Variants in PPP3CA observed in about 807,000 individuals in gnomAD.
PPP3CA encodes the protein CAM-PRP catalytic subunit.
A neutral mutation model predicts 66.5 loss-of-function variants in PPP3CA; 14 were observed. That is an observed-to-expected ratio of 0.21 (90% CI 0.14 to 0.33). The LOEUF (loss-of-function observed/expected upper bound fraction) is 0.33. Among genes scored for constraint, PPP3CA ranks in the 10% least tolerant of loss-of-function variants. The probability of loss-of-function intolerance (pLI) is 1.00; values close to 1 mark genes in which losing one functional copy is unlikely to be tolerated. For missense variants in PPP3CA, 317 were observed against 639.5 expected, an observed-to-expected ratio of 0.50 and a Z score of 5.44; for synonymous variants, 232 against 226.2, an observed-to-expected ratio of 1.03 and a Z score of -0.23.
chr4:101,091,530 G>T (rs1181685872), intron 6 of PPP3CA, among the ~76,000 whole-genome samples: 1 of 151,894 alleles, frequency 6.6e-6, no homozygotes, highest in Non-Finnish European at 1.5e-5. Context: ...TTTGAAAGAC[G>T]CTTTATAGTG....
chr4:101,287,399 T>C (rs1012660064), intron 1 of PPP3CA, among the ~76,000 whole-genome samples: 1 of 152,226 alleles, frequency 6.6e-6, no homozygotes, highest in South Asian at 2.1e-4. Flanking sequence ...ATATAGAAAT[T>C]AAAAGCCTTT....
At chr4:101,124,723 AAG>A (rs371341410) in intron 2 of PPP3CA, among the ~76,000 whole-genome samples, 3,041 of 45,108 alleles carry the variant, frequency 0.067, 140 homozygotes, top group East Asian at 0.12. Flanking sequence ...GAAAGAAAGA[AAG>A]AGAAAGAAAG....
At chr4:101,314,354 G>A (rs1035347421) in intron 1 of PPP3CA, among the ~76,000 whole-genome samples, 11 of 151,892 alleles carry the variant, frequency 7.2e-5, no homozygotes, top group African/African-American at 2.7e-4. Flanking sequence ...CATGAGGTCA[G>A]GAGATCAAGA....
chr4:101,167,684 C>A (rs1723736557), intron 2 of PPP3CA, among the ~76,000 whole-genome samples: 1 of 152,100 alleles, frequency 6.6e-6, no homozygotes, highest in Non-Finnish European at 1.5e-5. Flanking sequence ...ACAGCTATCA[C>A]ACAGGGTGGT....
intron 1 of PPP3CA, among the ~76,000 whole-genome samples, chr4:101,312,584 T>G (rs1364081209): frequency 6.6e-6 from 1 of 152,116 alleles, no homozygotes; most frequent in Non-Finnish European, 1.5e-5. Context: ...TGGCCGTTCA[T>G]TTTTCAAATG....
chr4:101,026,383 G>A (rs1017323140), intron 13 of PPP3CA, among the ~76,000 whole-genome samples: 1 of 152,158 alleles, frequency 6.6e-6, no homozygotes, highest in African/African-American at 2.4e-5. Flanking sequence ...TGCTTTCAGG[G>A]ACAAGCCTCT....
chr4:101,320,894 A>G (rs1729022103), intron 1 of PPP3CA, among the ~76,000 whole-genome samples: 1 of 152,132 alleles, frequency 6.6e-6, no homozygotes, highest in South Asian at 2.1e-4. Context: ...TCTGAGATCC[A>G]GGTTAAATCC....
intron 1 of PPP3CA, among the ~76,000 whole-genome samples, chr4:101,335,715 A>G (rs1348612087): frequency 1.3e-5 from 2 of 152,134 alleles, no homozygotes; most frequent in African/African-American, 4.8e-5. Context: ...AACTGGGCCC[A>G]CCTATGAAAG....
At chr4:101,053,976 A>G (rs1728119004) in intron 10 of PPP3CA, among the ~76,000 whole-genome samples, 1 of 151,970 alleles carries the variant, frequency 6.6e-6, no homozygotes. Context: ...AAGCTTGAAA[A>G]AGTTTTTGCC....
At chr4:101,075,337 GTTGCCAT>G (rs1560589185) in intron 8 of PPP3CA, among the ~76,000 whole-genome samples, 1 of 151,920 alleles carries the variant, frequency 6.6e-6, no homozygotes, top group African/African-American at 2.4e-5. Context: ...AATTAGTTTC[GTTGCCAT>G]TAGACTTTCC....
At chr4:101,320,820 T>C (rs1350701045) in intron 1 of PPP3CA, among the ~76,000 whole-genome samples, 1 of 152,134 alleles carries the variant, frequency 6.6e-6, no homozygotes, top group Non-Finnish European at 1.5e-5. Context: ...AGAGATTATA[T>C]GATTCTGATG....
intron 2 of PPP3CA, among the ~76,000 whole-genome samples, chr4:101,115,306 TG>T (rs1473555787): frequency 2.0e-5 from 3 of 151,918 alleles, no homozygotes; most frequent in Admixed American, 6.6e-5. Context: ...AATAGAATCT[TG>T]GCAAAGGAGA....
chr4:101,032,402 TTCTTTTGTGA>T (rs969738677), intron 11 of PPP3CA, 38 bp from the exon 12 acceptor site: 1 of 1,532,780 alleles, frequency 6.5e-7, no homozygotes, highest in Non-Finnish European at 9.0e-7. Flanking sequence ...AACTTTTAAT[TTCTTTTGTGA>T]AAAAGAAAGA....
intron 1 of PPP3CA, among the ~76,000 whole-genome samples, chr4:101,322,110 A>G (rs1291290594): frequency 2.0e-5 from 3 of 152,208 alleles, no homozygotes; most frequent in African/African-American, 7.2e-5. Flanking sequence ...CTCTCTTCAC[A>G]TAGCAATTTT....
intron 1 of PPP3CA, among the ~76,000 whole-genome samples, chr4:101,225,645 A>AGAC (rs1389413888): frequency 6.6e-6 from 1 of 151,826 alleles, no homozygotes; most frequent in Non-Finnish European, 1.5e-5. Flanking sequence ...AGCAATGGTA[A>AGAC]ACAGAGATTT....
rs115327622 is a variant in PPP3CA, at chr4:101,074,085, A to C, written c.955+6447T>G. Reference sequence around the variant, plus strand: ...TGATCATATTTAACCTGTGGTTGTAAGGATACAAAAAAAGTGCTTTAAAAG... The same window carrying C: ...TGATCATATTTAACCTGTGGTTGTACGGATACAAAAAAAGTGCTTTAAAAG... On this transcript the variant is annotated intron_variant, in intron 8 of 13. Coordinates refer to ENST00000394854, the MANE Select transcript of PPP3CA (RefSeq NM_000944.5). Among the ~76,000 whole-genome samples the C allele has an allele frequency of 6.2e-3, 949 of 152,346 alleles. 7 individuals are homozygous for C. Among genetic ancestry groups the C allele is most frequent in the African/African-American group, 0.021 (879 of 41,576 alleles).
chr4:101,319,259 A>G (rs1047859231), intron 1 of PPP3CA, among the ~76,000 whole-genome samples: 4 of 151,918 alleles, frequency 2.6e-5, no homozygotes, highest in African/African-American at 9.7e-5. Context: ...TGAAAGTTAA[A>G]CGGCATTATT....
chr4:101,042,640 T>C (rs559795244), intron 10 of PPP3CA, among the ~76,000 whole-genome samples: 1 of 152,178 alleles, frequency 6.6e-6, no homozygotes, highest in South Asian at 2.1e-4. Flanking sequence ...GTGTGCAGGA[T>C]CCCTACCTCT....
At chr4:101,153,010 T>A (rs1723192412) in intron 2 of PPP3CA, among the ~76,000 whole-genome samples, 1 of 152,128 alleles carries the variant, frequency 6.6e-6, no homozygotes, top group Non-Finnish European at 1.5e-5. Context: ...ACAAATTCCA[T>A]TAAATGTTAG....
Sources: allele counts gnomAD v4.1 joint callset (sites outside exome capture counted in the v4.1 genomes callset), GRCh38; gene constraint gnomAD v4.1.1; transcripts MANE v1.5; gene names NCBI Gene and HGNC (gene_info 2026-07-23, HGNC 2026-07-21).